Variants in HPSE2 observed in about 807,000 individuals in gnomAD.
HPSE2 encodes heparanase 2 (inactive).
In HPSE2, 38 loss-of-function variants were observed where a neutral mutation model predicts 60.5. The observed-to-expected ratio is 0.63, with a 90% CI of 0.48 to 0.82. The LOEUF (loss-of-function observed/expected upper bound fraction) is 0.82. HPSE2 is among the 40% of genes least tolerant of loss of function. HPSE2 has a pLI of 0.00. For synonymous variants in HPSE2, 295 were observed against 293.2 expected (o/e 1.01, Z -0.06); for missense variants, 713 against 740.4 (o/e 0.96, Z 0.43).
chr10:99,277,248 C>T, the HPSE2 span, among the ~76,000 whole-genome samples: 1 of 152,206 alleles, frequency 6.6e-6, no homozygotes, highest in Non-Finnish European at 1.5e-5. Context: ...GGTGCACATG[C>T]ATGCAAAAAT....
rs1564833041 is a variant in HPSE2 at position 99,132,211 on chromosome 10, G to GAAAGAAAGGA, written c.610+12026_610+12027insTCCTTTCTTT. Among the ~76,000 whole-genome samples, 4 of 18,478 alleles carry GAAAGAAAGGA rather than the reference G, an allele frequency of 2.2e-4. No individual in the cohort carries two copies. In the Admixed American group the frequency reaches 2.4e-3, roughly 11 times the overall value. The allele number at this position is 18,478 out of a possible 152,430, so 12.1% of individuals were successfully genotyped here. On this transcript the variant is annotated intron_variant, in intron 3 of 11. Coordinates refer to ENST00000370552, the MANE Select transcript of HPSE2 (RefSeq NM_021828.5). ...AAAGAAAGAGAGAGAGAGAGAGAGA[G>GAAAGAAAGGA]AGAGAGAGAGAGAGAGAGAGAGAGA...
intron 6 of HPSE2, among the ~76,000 whole-genome samples, chr10:98,688,478 T>TC (rs1469760043): frequency 3.1e-5 from 3 of 98,238 alleles, no homozygotes; most frequent in Non-Finnish European, 5.6e-5. Flanking sequence ...TTTTTTTTTC[T>TC]TTTTTTTTTT....
At chr10:98,762,961 A>G (rs913365127) in intron 3 of HPSE2, among the ~76,000 whole-genome samples, 2 of 152,148 alleles carry the variant, frequency 1.3e-5, no homozygotes, top group African/African-American at 4.8e-5. Flanking sequence ...TGTAGTGATG[A>G]ACATGTTTTA....
chr10:98,721,767 A>G lies in HPSE2; in HGVS notation c.846T>C (p.Asp282=), dbSNP rs779841448. The G allele has an allele frequency of 9.9e-6, 16 of 1,613,614 alleles. No homozygotes were observed. The highest frequency in any genetic ancestry group is 1.3e-5 in the Non-Finnish European group (15 of 1,179,866). The part of the protein sequence containing the change: ...RAVNGSQLGK[D]YIQLKSLLQP... ...GCAACAGGCTCTTCAGCTGGATGTA[A>G]TCCTTTCCCAACTGGCTGCCATTTA... is the stretch of plus-strand genomic sequence containing the variant. Residue 282 remains aspartate (D), a synonymous_variant, in exon 5 of 12, where the codon GAT becomes GAC. Coordinates refer to ENST00000370552, the MANE Select transcript of HPSE2 (RefSeq NM_021828.5).
At chr10:99,132,353 A>C (rs963530114) in intron 3 of HPSE2, among the ~76,000 whole-genome samples, 6 of 152,148 alleles carry the variant, frequency 3.9e-5, no homozygotes, top group Non-Finnish European at 7.3e-5. Flanking sequence ...AGTAAAATTA[A>C]TAAAATGTAA....
chr10:99,201,134 T>C (rs1378763209), intron 2 of HPSE2, among the ~76,000 whole-genome samples: 1 of 141,310 alleles, frequency 7.1e-6, no homozygotes, highest in Non-Finnish European at 1.6e-5. Flanking sequence ...ATAAGCATTA[T>C]TTGATCCCAG....
chr10:98,886,435 T>C (rs1451877054), intron 3 of HPSE2, among the ~76,000 whole-genome samples: 1 of 152,126 alleles, frequency 6.6e-6, no homozygotes, highest in Admixed American at 6.6e-5. Flanking sequence ...TTATGTATAA[T>C]GCCTTAACAC....
intron 9 of HPSE2, among the ~76,000 whole-genome samples, chr10:98,597,443 T>C (rs1351697116): frequency 3.3e-5 from 5 of 151,722 alleles, no homozygotes; most frequent in African/African-American, 4.8e-5. Context: ...GGCGGGTGGA[T>C]TGCCTGAGCT....
At chr10:98,731,034 C>T (rs1294330164) in intron 4 of HPSE2, among the ~76,000 whole-genome samples, 1 of 152,170 alleles carries the variant, frequency 6.6e-6, no homozygotes, top group Non-Finnish European at 1.5e-5. Context: ...CCTATAATCC[C>T]AACACTTTGG....
chr10:98,948,850 T>G (rs1468239312), intron 3 of HPSE2, among the ~76,000 whole-genome samples: 1 of 152,142 alleles, frequency 6.6e-6, no homozygotes, highest in Non-Finnish European at 1.5e-5. Context: ...ATATGTTTTC[T>G]CTTTCTTATG....
chr10:98,747,838 A>T lies in HPSE2; in HGVS notation c.611-3782T>A, dbSNP rs140933083. 1.7e-3 allele frequency among the ~76,000 whole-genome samples: 265 copies of T among 152,272 alleles called. 2 individuals are homozygous for T. The highest frequency in any genetic ancestry group is 6.1e-3 in the African/African-American group (254 of 41,544). ...AACTTGTTTTCCCAGTTAAACTGTG[A>T]AGTTTCTTAAGTTTGGTACCGTATC... On this transcript the variant is annotated intron_variant, in intron 3 of 11. Coordinates refer to ENST00000370552, the MANE Select transcript of HPSE2 (RefSeq NM_021828.5).
intron 3 of HPSE2, among the ~76,000 whole-genome samples, chr10:98,776,070 C>T (rs544092915): frequency 6.6e-6 from 1 of 152,214 alleles, no homozygotes; most frequent in South Asian, 2.1e-4. Context: ...CAAATAGTTG[C>T]CACAGCCTTC....
chr10:99,037,487 T>C (rs1957636839), intron 3 of HPSE2, among the ~76,000 whole-genome samples: 1 of 152,168 alleles, frequency 6.6e-6, no homozygotes, highest in South Asian at 2.1e-4. Context: ...TTTAGCTATA[T>C]AGATTAACCT....
At chr10:99,152,035 TG>T (rs1846287498) in intron 2 of HPSE2, among the ~76,000 whole-genome samples, 1 of 150,736 alleles carries the variant, frequency 6.6e-6, no homozygotes, top group African/African-American at 2.4e-5. Context: ...AAAAAGAGGC[TG>T]GGCACTGTGG....
intron 2 of HPSE2, among the ~76,000 whole-genome samples, chr10:99,146,858 C>A (rs563856688): frequency 3.3e-5 from 5 of 151,120 alleles, no homozygotes; most frequent in Admixed American, 1.3e-4. Flanking sequence ...GAGACTCCAT[C>A]AAAAAAAATA....
intron 6 of HPSE2, among the ~76,000 whole-genome samples, chr10:98,648,462 C>T (rs1946833079): frequency 6.6e-6 from 1 of 151,898 alleles, no homozygotes; most frequent in South Asian, 2.1e-4. Context: ...GTTGTGGGGC[C>T]CTCTTTAAGA....
intron 5 of HPSE2, among the ~76,000 whole-genome samples, chr10:98,717,299 G>T (rs1478771311): frequency 1.3e-5 from 2 of 152,064 alleles, no homozygotes; most frequent in African/African-American, 2.4e-5. Context: ...CTGCAATAAG[G>T]CTGTTTCACT....
At chr10:98,945,163 C>T (rs1264978096) in intron 3 of HPSE2, among the ~76,000 whole-genome samples, 1 of 152,052 alleles carries the variant, frequency 6.6e-6, no homozygotes, top group East Asian at 1.9e-4. Flanking sequence ...CCACTATCCC[C>T]ACCCAAAAAA....
the HPSE2 span, among the ~76,000 whole-genome samples, chr10:99,244,384 TA>T: frequency 1.1e-5 from 1 of 88,634 alleles, no homozygotes; most frequent in Non-Finnish European, 2.1e-5. Context: ...TTATTTCTTT[TA>T]TTATTATTAT....
Sources: gnomAD v4.1 joint callset for allele counts (sites outside exome capture counted in the v4.1 genomes callset) on GRCh38, gnomAD v4.1.1 for gene constraint, MANE v1.5 for transcripts, NCBI Gene and HGNC (gene_info 2026-07-23, HGNC 2026-07-21) for gene names.